The following GLYR1 variants were observed in gnomAD, a reference collection of about 807,000 sequenced individuals.
GLYR1 encodes the protein glyoxylate reductase 1 homolog.
GLYR1 carries 21 observed loss-of-function variants against 72.7 expected under a neutral mutation model. The ratio of observed to expected loss-of-function variants is 0.29; its 90% CI spans 0.20 to 0.42. GLYR1 has a LOEUF of 0.42. Ranked by LOEUF, GLYR1 falls within the 10% of genes least tolerant of loss-of-function variation. The pLI is 1.00. For synonymous variants in GLYR1, 392 were observed against 270.2 expected (o/e 1.45, Z -4.42); for missense variants, 594 against 712.1 (o/e 0.83, Z 1.89).
chr16:4,805,686 C>G (rs932707655), intron 15 of GLYR1, among the ~76,000 whole-genome samples: 2 of 152,092 alleles, frequency 1.3e-5, no homozygotes, highest in Non-Finnish European at 2.9e-5. Flanking sequence ...ACTAAAAATA[C>G]AAAAATTAGG....
At chr16:4,810,699 TAAAAAA>T (rs551202037) in intron 15 of GLYR1, among the ~76,000 whole-genome samples, 10 of 21,814 alleles carry the variant, frequency 4.6e-4, no homozygotes, top group African/African-American at 2.3e-3. Context: ...CTGTCTCTAC[TAAAAAA>T]AAAAAAAAAA....
intron 5 of GLYR1, among the ~76,000 whole-genome samples, chr16:4,831,706 T>C (rs1490578797): frequency 2.0e-5 from 3 of 152,184 alleles, no homozygotes; most frequent in African/African-American, 7.2e-5. Flanking sequence ...GGGGTCTCAC[T>C]CCATCACCCA....
chr16:4,827,032 T>A (rs1027617078), intron 5 of GLYR1, among the ~76,000 whole-genome samples: 1 of 152,138 alleles, frequency 6.6e-6, no homozygotes, highest in Non-Finnish European at 1.5e-5. Flanking sequence ...GTGCCCAGAG[T>A]TCATCCCCAG....
chr16:4,806,381 G>A (rs1261132855), intron 15 of GLYR1, among the ~76,000 whole-genome samples: 2 of 151,902 alleles, frequency 1.3e-5, no homozygotes, highest in African/African-American at 4.8e-5. Flanking sequence ...TCTTGAGACA[G>A]GGTCTTGCTC....
chr16:4,838,829 C>T (rs190678204), intron 3 of GLYR1, among the ~76,000 whole-genome samples: 122 of 152,182 alleles, frequency 8.0e-4, no homozygotes, highest in African/African-American at 2.2e-3. Context: ...CCTCGTGATC[C>T]GCCTGACTTG....
intron 15 of GLYR1, among the ~76,000 whole-genome samples, chr16:4,807,673 A>G (rs765977655): frequency 1.3e-5 from 2 of 152,234 alleles, no homozygotes; most frequent in East Asian, 1.9e-4. Flanking sequence ...TTCCAAGCCA[A>G]TGAATCCTGT....
In GLYR1 at chr16:4,824,712, A is replaced by C. The variant is rs548631987; in HGVS notation, c.538-805T>G. Among the ~76,000 whole-genome samples the C allele has an allele frequency of 3.9e-5, 6 of 152,196 alleles. No individual in the cohort carries two copies. In the East Asian group the frequency reaches 1.2e-3, roughly 29 times the overall value. The stretch of plus-strand genomic sequence containing the variant: ...CACAGGAGGACATGGTGAGATGAGA[A>C]GCTCCTCTTCATCGATGGCCCGGCT... On this transcript the variant is annotated intron_variant, in intron 5 of 15. Transcript: ENST00000321919.
chr16:4,838,482 T>C (rs1031121095), intron 3 of GLYR1, among the ~76,000 whole-genome samples: 4 of 152,194 alleles, frequency 2.6e-5, no homozygotes, highest in Non-Finnish European at 2.9e-5. Flanking sequence ...CTCCACTGTT[T>C]GTCCACAATC....
In GLYR1 at chr16:4,832,175, C is replaced by A. The variant is rs768927894; in HGVS notation, c.341G>T (p.Ser114Ile). 1 of 1,614,154 alleles carries A rather than the reference C, an allele frequency of 6.2e-7. No homozygotes were observed. The highest frequency in any genetic ancestry group is 1.7e-5 in the Admixed American group (1 of 60,010). ...SSDDKNRRNS[S>I]EERSRPNSGD... Reference sequence around the variant, plus strand: ...TGAGTTTGGCCTACTTCTCTCCTCACTGGAATTACGTCGATTCTTGTCATC... The same window carrying A: ...TGAGTTTGGCCTACTTCTCTCCTCAATGGAATTACGTCGATTCTTGTCATC... The change falls in exon 5 of 16, where the codon AGT (serine) becomes ATT (isoleucine). Residue 114 changes from serine to isoleucine, a missense_variant. This residue lies in a region of GLYR1 where 252 missense variants were observed against 211.3 expected (regional missense o/e 1.19). Transcript: ENST00000321919.
Position 4,831,913 on chromosome 16 carries a change from G to C in GLYR1, c.537+66C>G, listed in dbSNP as rs2084825952. Reference sequence around the variant, plus strand: ...AAGCATACTACATAAGCATACTGTAGAGCTTAACTCTACCTTGTACTAAAA... The same window carrying C: ...AAGCATACTACATAAGCATACTGTACAGCTTAACTCTACCTTGTACTAAAA... On this transcript the variant is annotated intron_variant, in intron 5 of 15. Coordinates refer to ENST00000321919, the MANE Select transcript of GLYR1 (RefSeq NM_032569.4). 2.6e-6 allele frequency: 4 copies of C among 1,561,226 alleles called. No individual in the cohort carries two copies. The Admixed American group carries it at 5.7e-5, about 22-fold the overall frequency.
At chr16:4,821,634 T>G (rs772856549) in intron 7 of GLYR1, 37 bp from the exon 8 acceptor site, 1 of 1,593,814 alleles carries the variant, frequency 6.3e-7, no homozygotes. Context: ...CTTGTGCTAC[T>G]GCAGGCTTAA....
rs1001039124 is a variant in GLYR1, at chr16:4,803,289, T to C, written c.*1947A>G. 1 of 152,694 alleles carries C rather than the reference T, an allele frequency of 6.5e-6. No homozygotes were observed. Among genetic ancestry groups the C allele is most frequent in the African/African-American group, 2.4e-5 (1 of 41,468 alleles). 9.5% of individuals were successfully genotyped at this position (152,694 alleles called of 1,614,324 possible). ...TTTTGTTTTTGCCATTTAAACATTA[T>C]CACACAATCCTATTCTGAAAGACAA... On this transcript the variant is annotated 3_prime_UTR_variant, in exon 16 of 16. Coordinates refer to ENST00000321919, the MANE Select transcript of GLYR1 (RefSeq NM_032569.4).
At chr16:4,846,927 G>T in intron 1 of GLYR1, 1 of 458,632 alleles carries the variant, frequency 2.2e-6, no homozygotes, top group Non-Finnish European at 3.8e-6. Flanking sequence ...GTCCGGGGAA[G>T]CCTCGCGGCA....
At chr16:4,815,420 T>C (rs1261250842) in intron 10 of GLYR1, among the ~76,000 whole-genome samples, 1 of 152,210 alleles carries the variant, frequency 6.6e-6, no homozygotes, top group East Asian at 1.9e-4. Context: ...TTTATAGTGG[T>C]TGACTATGGA....
intron 10 of GLYR1, among the ~76,000 whole-genome samples, chr16:4,814,938 C>A (rs1237928075): frequency 6.6e-6 from 1 of 152,198 alleles, no homozygotes; most frequent in African/African-American, 2.4e-5. Flanking sequence ...CACCTCTCCC[C>A]AGCCCCCGCT....
chr16:4,823,709 A>G (rs1323701618), intron 6 of GLYR1, 112 bp downstream of exon 6: 1 of 843,856 alleles, frequency 1.2e-6, no homozygotes, highest in East Asian at 2.4e-5. Context: ...CTGTTTTGTA[A>G]TAATAAATTA....
At chr16:4,811,959 T>C (rs909427008) in intron 13 of GLYR1, 127 bp downstream of exon 13, 51 of 1,428,746 alleles carry the variant, frequency 3.6e-5, no homozygotes, top group Non-Finnish European at 4.2e-5. Flanking sequence ...GCACTGACTA[T>C]GCAGGTGAAA....
chr16:4,843,721 C>A (rs1487997323), intron 3 of GLYR1: 3 of 1,039,550 alleles, frequency 2.9e-6, no homozygotes, highest in Non-Finnish European at 3.8e-6. Flanking sequence ...ATTAGATTTA[C>A]CAGAGAAGCC....
At chr16:4,836,353 T>C (rs2085132039) in intron 3 of GLYR1, among the ~76,000 whole-genome samples, 1 of 152,246 alleles carries the variant, frequency 6.6e-6, no homozygotes, top group African/African-American at 2.4e-5. Context: ...TAAGTGACTG[T>C]TTCTTTCCTT....
Sources: gnomAD v4.1 joint callset for allele counts (sites outside exome capture counted in the v4.1 genomes callset) on GRCh38, gnomAD v4.1.1 for gene constraint, gnomAD v4.1.1 regional missense constraint, MANE v1.5 for transcripts, NCBI Gene and HGNC (gene_info 2026-07-23, HGNC 2026-07-21) for gene names.